Variants in LYRM9 observed in about 807,000 individuals in gnomAD.
LYRM9 encodes LYR motif containing 9, also known as LYR motif-containing protein 9.
In LYRM9, 14 loss-of-function variants were observed where a neutral mutation model predicts 12.6. That is an observed-to-expected ratio of 1.11 (90% confidence interval 0.73 to 1.73). The LOEUF is 1.73. Ranked by LOEUF, LYRM9 falls within the 40% of genes most tolerant of loss-of-function variation. The pLI is 0.00. For missense variants in LYRM9, 94 were observed against 95.0 expected, an observed-to-expected ratio of 0.99 and a Z score of 0.04; for synonymous variants, 42 against 35.1, an observed-to-expected ratio of 1.20 and a Z score of -0.69.
At chr17:27,884,695 G>A (rs898088727) in intron 1 of LYRM9, among the ~76,000 whole-genome samples, 1 of 152,164 alleles carries the variant, frequency 6.6e-6, no homozygotes, top group African/African-American at 2.4e-5. Flanking sequence ...CGCCTGGCCC[G>A]CAGTGGGCTT....
intron 2 of LYRM9, among the ~76,000 whole-genome samples, chr17:27,882,364 C>T (rs1420157012): frequency 6.6e-6 from 1 of 152,226 alleles, no homozygotes; most frequent in Non-Finnish European, 1.5e-5. Flanking sequence ...TGCCCTAGCA[C>T]AGCTGGTGTG....
At chr17:27,887,589 A>G (rs1407505335) in intron 1 of LYRM9, among the ~76,000 whole-genome samples, 1 of 152,030 alleles carries the variant, frequency 6.6e-6, no homozygotes, top group Non-Finnish European at 1.5e-5. Context: ...TGTATGGCAC[A>G]CTCCACAACA....
chr17:27,880,673 A>C (rs1280256124), intron 2 of LYRM9: 1 of 418,972 alleles, frequency 2.4e-6, no homozygotes, highest in African/African-American at 2.0e-5. Flanking sequence ...GCTATCAGGC[A>C]GTAGAGTCCA....
At chr17:27,881,641 A>T (rs1905062268) in intron 2 of LYRM9, among the ~76,000 whole-genome samples, 1 of 152,208 alleles carries the variant, frequency 6.6e-6, no homozygotes, top group Admixed American at 6.5e-5. Flanking sequence ...AGCATTTAAG[A>T]GTAAGTTGCA....
At chr17:27,884,522 C>T (rs577423593) in intron 1 of LYRM9, among the ~76,000 whole-genome samples, 10 of 152,348 alleles carry the variant, frequency 6.6e-5, no homozygotes, top group Admixed American at 5.2e-4. Flanking sequence ...CTTGTTCATC[C>T]TTCCAGGCTC....
chr17:27,879,122 GA>G lies in LYRM9; in HGVS notation c.*350del, dbSNP rs1296965104. 4.4e-6 allele frequency: 1 copy of G among 228,760 alleles called. No homozygotes were observed. Among genetic ancestry groups the G allele is most frequent in the Admixed American group, 5.7e-5 (1 of 17,496 alleles). The allele number at this position is 228,760 out of a possible 1,614,324, so 14.2% of individuals were successfully genotyped here. ...TTCTGTACAGGTTGCTACCTGAGGG[GA>G]CATCTGCTCTGGGACTCAGAGAATG... On this transcript the variant is annotated 3_prime_UTR_variant, in exon 4 of 4. Transcript: ENST00000379102.
intron 1 of LYRM9, among the ~76,000 whole-genome samples, chr17:27,889,426 G>A (rs1365936481): frequency 1.3e-5 from 2 of 151,718 alleles, no homozygotes; most frequent in Non-Finnish European, 2.9e-5. Flanking sequence ...TCCTGCCTCA[G>A]CCTCCCCAGT....
chr17:27,883,752 CT>C lies in LYRM9; in HGVS notation c.-18-1041del, dbSNP rs138689875. Among the ~76,000 whole-genome samples, 882 of 136,880 alleles carry C rather than the reference CT, an allele frequency of 6.4e-3. 8 individuals carry two copies. The highest frequency in any genetic ancestry group is 0.023 in the African/African-American group (854 of 36,986). The allele number at this position is 136,880 out of a possible 152,430, so 89.8% of individuals were successfully genotyped here. ...ATAAGAAAACCGGTCACAGAGAGGT[CT>C]GATAACTTGCCCAAGATCACACAGC... is the stretch of plus-strand genomic sequence containing the variant. On this transcript the variant is annotated intron_variant, in intron 1 of 3. Coordinates refer to ENST00000379102, the MANE Select transcript of LYRM9 (RefSeq NM_001076680.3).
intron 1 of LYRM9, among the ~76,000 whole-genome samples, chr17:27,888,493 G>A (rs1441132876): frequency 6.6e-6 from 1 of 152,218 alleles, no homozygotes; most frequent in East Asian, 1.9e-4. Flanking sequence ...ATTTTCTTGG[G>A]TTATAAGACC....
At chr17:27,880,103 G>C in intron 3 of LYRM9, 171 bp downstream of exon 3, 1 of 708,938 alleles carries the variant, frequency 1.4e-6, no homozygotes, top group Non-Finnish European at 2.6e-6. Context: ...AATGCAACCA[G>C]AAGGGATTTG....
At chr17:27,891,083 G>A (rs961467326) in intron 1 of LYRM9, among the ~76,000 whole-genome samples, 5 of 151,594 alleles carry the variant, frequency 3.3e-5, no homozygotes, top group African/African-American at 1.2e-4. Flanking sequence ...CCTCCTTCCA[G>A]CCCAATCCAC....
chr17:27,885,478 C>A (rs1013397720), intron 1 of LYRM9, among the ~76,000 whole-genome samples: 3 of 151,948 alleles, frequency 2.0e-5, no homozygotes, highest in African/African-American at 4.8e-5. Flanking sequence ...TGGCAGGCTG[C>A]GATGGGTGGA....
chr17:27,887,709 GGAGGGTGTGT>G lies in LYRM9; in HGVS notation c.-18-5007_-18-4998del, dbSNP rs1458723371. Among the ~76,000 whole-genome samples the G allele has an allele frequency of 3.9e-5, 5 of 127,004 alleles. No homozygotes were observed. The East Asian group carries it at 1.1e-3, about 28-fold the overall frequency. 83.3% of individuals were successfully genotyped at this position (127,004 alleles called of 152,430 possible). ...TCCAGAGAAACAGAACCTATAGGAG[GGAGGGTGTGT>G]GTGTGTGTGTGTGTGTGTGTGTGTG... On this transcript the variant is annotated intron_variant, in intron 1 of 3. Transcript: ENST00000379102.
intron 1 of LYRM9, chr17:27,892,393 A>G (rs1456771335): frequency 2.2e-6 from 1 of 455,902 alleles, no homozygotes; most frequent in Admixed American, 2.4e-5. Flanking sequence ...TCCACAGTTT[A>G]TAGTACCTGA....
rs1360443087 is a variant in LYRM9, at chr17:27,883,648, T to G, written c.-18-936A>C. Among the ~76,000 whole-genome samples, 3 of 133,044 alleles carry G rather than the reference T, an allele frequency of 2.3e-5. No homozygotes were observed. In the East Asian group the frequency reaches 6.5e-4, roughly 29 times the overall value. 87.3% of individuals were successfully genotyped at this position (133,044 alleles called of 152,430 possible). On this transcript the variant is annotated intron_variant, in intron 1 of 3. Coordinates refer to ENST00000379102, the MANE Select transcript of LYRM9 (RefSeq NM_001076680.3). ...CTGGGTGACAAAGCAAGACTCCAAC[T>G]CAAAAAAAAAAAAAAAGAGAGAGAA...
At chr17:27,882,531 T>A (rs1905094523) in intron 2 of LYRM9, 38 bp downstream of exon 2, 1 of 1,526,164 alleles carries the variant, frequency 6.6e-7, no homozygotes, top group Non-Finnish European at 8.8e-7. Context: ...AGCCTGCCAT[T>A]AGAGGCAGCC....
chr17:27,880,344 T>C lies in LYRM9; in HGVS notation c.149A>G (p.Glu50Gly). 3 of 1,607,816 alleles carry C rather than the reference T, an allele frequency of 1.9e-6. No homozygotes were observed. The highest frequency in any genetic ancestry group is 1.7e-6 in the Non-Finnish European group (2 of 1,176,732). ...VRQSFRVHSDEDNPERIQQII... is the reference protein window; with the variant it reads ...VRQSFRVHSDGDNPERIQQII... ...CTGCTGGATTCTCTCAGGGTTGTCT[T>C]CATCTGAATGAACCCGAAAACTCTG... is the stretch of plus-strand genomic sequence containing the variant. The change falls in exon 3 of 4, where the codon GAA (glutamate) becomes GGA (glycine). Residue 50 changes from glutamate to glycine, a missense_variant. Glu to Gly is a moderately conservative substitution (Grantham distance 98, BLOSUM62 -2). Transcript: ENST00000379102.
At chr17:27,892,695 G>C (rs1473264234) in intron 1 of LYRM9, 1 of 299,158 alleles carries the variant, frequency 3.3e-6, no homozygotes, top group Non-Finnish European at 6.6e-6. Context: ...GTTTCTTTTG[G>C]GGGGTAATGT....
intron 3 of LYRM9, 67 bp from the exon 4 acceptor site, chr17:27,879,557 C>T (rs1051646565): frequency 1.3e-6 from 2 of 1,524,448 alleles, no homozygotes; most frequent in East Asian, 2.5e-5. Context: ...CTGGAGAAAT[C>T]TCAGGCCTCC....
Sources: gnomAD v4.1 joint callset for allele counts (sites outside exome capture counted in the v4.1 genomes callset) on GRCh38, gnomAD v4.1.1 for gene constraint, MANE v1.5 for transcripts, NCBI Gene and HGNC (gene_info 2026-07-23, HGNC 2026-07-21) for gene names.